Variants in MATN2 observed in about 807,000 individuals in gnomAD.
The protein encoded by MATN2 is matrilin-2.
In MATN2, 69 loss-of-function variants were observed where a neutral mutation model predicts 103.2. The ratio of observed to expected loss-of-function variants is 0.67; its 90% confidence interval spans 0.55 to 0.82. The LOEUF (loss-of-function observed/expected upper bound fraction) is 0.82, where lower values mean the gene tolerates loss of function less well. Ranked by LOEUF, MATN2 falls within the 40% of genes least tolerant of loss-of-function variation. The pLI, the probability that MATN2 is intolerant of heterozygous loss-of-function variation, is 0.00. For synonymous variants in MATN2, 429 were observed against 450.2 expected (o/e 0.95, Z 0.60); for missense variants, 1,023 against 1,211.5 (o/e 0.84, Z 2.31).
intron 7 of MATN2, among the ~76,000 whole-genome samples, chr8:97,998,395 G>A (rs1429255967): frequency 4.7e-5 from 7 of 149,496 alleles, no homozygotes; most frequent in African/African-American, 1.5e-4. Context: ...GGTGGCGGGC[G>A]CCTGTAGTCC....
intron 4 of MATN2, among the ~76,000 whole-genome samples, chr8:97,945,746 C>T (rs1472325669): frequency 1.4e-5 from 2 of 142,232 alleles, no homozygotes; most frequent in Non-Finnish European, 3.0e-5. Context: ...AATCTCCCCA[C>T]CATTGTATAT....
chr8:98,032,866 G>T (rs28508592), intron 16 of MATN2, among the ~76,000 whole-genome samples, 176 bp from the exon 17 acceptor site: 10 of 144,400 alleles, frequency 6.9e-5, no homozygotes, highest in African/African-American at 2.6e-4. Context: ...GTTGTTTTTT[G>T]TTTTTTTAAT....
At chr8:98,032,164 G>A in intron 15 of MATN2, 82 bp from the exon 16 acceptor site, 2 of 1,080,554 alleles carry the variant, frequency 1.9e-6, no homozygotes, top group South Asian at 1.4e-5. Flanking sequence ...AGGTAAGGAG[G>A]TGGTCTGGGA....
At chr8:97,898,569 C>T (rs1264445265) in intron 2 of MATN2, among the ~76,000 whole-genome samples, 3 of 150,820 alleles carry the variant, frequency 2.0e-5, no homozygotes, top group Admixed American at 6.6e-5. Flanking sequence ...TACACTCCAG[C>T]CTGGGCAACA....
chr8:97,967,390 T>A (rs1161754765), intron 5 of MATN2, among the ~76,000 whole-genome samples: 1 of 151,928 alleles, frequency 6.6e-6, no homozygotes, highest in Non-Finnish European at 1.5e-5. Flanking sequence ...CTCCAAAGTC[T>A]GAAGTGTCAT....
intron 1 of MATN2, among the ~76,000 whole-genome samples, chr8:97,870,686 G>T (rs894660658): frequency 1.3e-5 from 2 of 152,308 alleles, no homozygotes; most frequent in South Asian, 4.1e-4. Context: ...CCATGGGTAC[G>T]TGAGGGTGGC....
intron 14 of MATN2, 36 bp from the exon 15 acceptor site, chr8:98,030,426 C>CA (rs753685536): frequency 6.3e-7 from 1 of 1,588,192 alleles, no homozygotes; most frequent in South Asian, 1.1e-5. Flanking sequence ...GAACACAACT[C>CA]TAACTAACTT....
rs546107234 is a variant in MATN2, at chr8:98,030,641, A to G, written c.2509+27A>G. The G allele has an allele frequency of 3.1e-6, 5 of 1,600,526 alleles. No homozygotes were observed. The South Asian group carries it at 5.6e-5, about 18-fold the overall frequency. On this transcript the variant is annotated intron_variant, in intron 15 of 18. Coordinates refer to ENST00000254898, the MANE Select transcript of MATN2 (RefSeq NM_002380.5). ...TACTATAGCTTACGCCGAAGACCTT[A>G]GCAAACAAGGCAGCATGAACTCCTT...
intron 2 of MATN2, among the ~76,000 whole-genome samples, chr8:97,906,027 C>G (rs1442327007): frequency 1.3e-5 from 2 of 152,160 alleles, no homozygotes; most frequent in African/African-American, 4.8e-5. Context: ...TGAGTTCCTG[C>G]TTTCAATTCT....
intron 2 of MATN2, among the ~76,000 whole-genome samples, 169 bp downstream of exon 2, chr8:97,888,411 TG>T (rs892737620): frequency 6.6e-6 from 1 of 152,200 alleles, no homozygotes; most frequent in Non-Finnish European, 1.5e-5. Context: ...GTTGAGCACG[TG>T]GTTGCACACG....
At chr8:98,020,492 G>A (rs1238481135) in intron 12 of MATN2, among the ~76,000 whole-genome samples, 1 of 152,044 alleles carries the variant, frequency 6.6e-6, no homozygotes, top group South Asian at 2.1e-4. Context: ...CACACACACT[G>A]TTTATTCATT....
At chr8:97,916,131 G>A (rs1046413282) in intron 2 of MATN2, among the ~76,000 whole-genome samples, 2 of 151,584 alleles carry the variant, frequency 1.3e-5, no homozygotes, top group Non-Finnish European at 2.9e-5. Context: ...GTGTAGTGGC[G>A]CAATCTCGGC....
At chr8:97,912,732 A>G (rs1483933596) in intron 2 of MATN2, among the ~76,000 whole-genome samples, 1 of 152,128 alleles carries the variant, frequency 6.6e-6, no homozygotes, top group Non-Finnish European at 1.5e-5. Flanking sequence ...AGGACTGAGC[A>G]TGCCTGGTTG....
intron 1 of MATN2, among the ~76,000 whole-genome samples, chr8:97,879,233 A>G (rs1372626461): frequency 6.6e-6 from 1 of 152,168 alleles, no homozygotes; most frequent in African/African-American, 2.4e-5. Context: ...ACTGAATGCA[A>G]TTTCGATGAA....
rs368136363 is a variant in MATN2 at position 97,985,898 on chromosome 8, T to G, written c.1081+6890T>G. Among the ~76,000 whole-genome samples the G allele has an allele frequency of 1.3e-3, 196 of 152,332 alleles. 1 individual carries two copies. The highest frequency in any genetic ancestry group is 4.3e-3 in the African/African-American group (180 of 41,572). On this transcript the variant is annotated intron_variant, in intron 6 of 18. Transcript: ENST00000254898. ...CCATTGTTTATGCCAATTTGGAACA[T>G]TTCTCTCCAGTCTTTTTTTAATGTA...
At chr8:97,990,249 C>T (rs544458664) in intron 6 of MATN2, among the ~76,000 whole-genome samples, 14 of 149,258 alleles carry the variant, frequency 9.4e-5, no homozygotes, top group South Asian at 4.2e-4. Flanking sequence ...ATAGAAACTT[C>T]ACCAAAGAAT....
At chr8:98,030,664 CTT>C in intron 15 of MATN2, 50 bp downstream of exon 15, 3 of 1,531,714 alleles carry the variant, frequency 2.0e-6, no homozygotes, top group Non-Finnish European at 2.7e-6. Flanking sequence ...GCATGAACTC[CTT>C]TTTTTTTGTT....
chr8:98,024,505 A>AAACAACAAC (rs35489233), intron 13 of MATN2, among the ~76,000 whole-genome samples: 12 of 151,772 alleles, frequency 7.9e-5, no homozygotes, highest in East Asian at 1.9e-4. Flanking sequence ...ATGCCATCTC[A>AAACAACAAC]AACAACAACA....
chr8:97,947,442 TAAA>T (rs1298054768), intron 4 of MATN2, among the ~76,000 whole-genome samples: 1 of 152,182 alleles, frequency 6.6e-6, no homozygotes, highest in African/African-American at 2.4e-5. Context: ...TCAATATACT[TAAA>T]AAATTACTTC....
Sources: allele counts gnomAD v4.1 joint callset (sites outside exome capture counted in the v4.1 genomes callset), GRCh38; gene constraint gnomAD v4.1.1; transcripts MANE v1.5; gene names NCBI Gene and HGNC (gene_info 2026-07-23, HGNC 2026-07-21).